CPEB3: variants seen among roughly 807,000 people sequenced by gnomAD.
The protein encoded by CPEB3 is cytoplasmic polyadenylation element-binding protein 3.
Under a neutral mutation model 67.2 loss-of-function variants are expected in CPEB3, and 20 were observed. The observed-to-expected ratio is 0.30, with a 90% CI of 0.21 to 0.43. The LOEUF (loss-of-function observed/expected upper bound fraction) is 0.43, where lower values mean the gene tolerates loss of function less well. Among genes scored for constraint, CPEB3 ranks in the 20% least tolerant of loss-of-function variants. The probability of loss-of-function intolerance (pLI) is 1.00; values close to 1 mark genes in which losing one functional copy is unlikely to be tolerated. For missense variants in CPEB3, 746 were observed against 968.6 expected (o/e 0.77, Z 3.05); for synonymous variants, 376 against 393.1 (o/e 0.96, Z 0.51).
At chr10:92,243,149 A>C (rs1214750304) in intron 1 of CPEB3, 1 of 152,246 alleles carries the variant, frequency 6.6e-6, no homozygotes, top group Non-Finnish European at 1.5e-5. Flanking sequence ...TTCAAGTAAC[A>C]AAATCTTAGT....
At chr10:92,187,463 G>T (rs1195832879) in intron 3 of CPEB3, among the ~76,000 whole-genome samples, 2 of 152,208 alleles carry the variant, frequency 1.3e-5, no homozygotes, top group Non-Finnish European at 2.9e-5. Flanking sequence ...GAGGGAAATT[G>T]CATGGGATGA....
At chr10:92,128,264 TGAA>T (rs1339722481) in intron 6 of CPEB3, among the ~76,000 whole-genome samples, 1 of 152,186 alleles carries the variant, frequency 6.6e-6, no homozygotes, top group Non-Finnish European at 1.5e-5. Context: ...GGGCCACACT[TGAA>T]GAAGAATTGT....
intron 2 of CPEB3, chr10:92,216,767 G>A (rs1590414679): frequency 6.2e-7 from 1 of 1,610,034 alleles, no homozygotes; most frequent in East Asian, 2.2e-5. Context: ...CCTGGAGGAG[G>A]TGCAGTCCCT....
chr10:92,244,594 C>T (rs546646277), intron 1 of CPEB3, among the ~76,000 whole-genome samples: 6 of 151,630 alleles, frequency 4.0e-5, no homozygotes, highest in African/African-American at 1.4e-4. Context: ...CATGCCACCA[C>T]GCCCGGCTCA....
intron 9 of CPEB3, among the ~76,000 whole-genome samples, chr10:92,061,263 ACAAAAATTAG>A (rs778636055): frequency 1.2e-4 from 19 of 152,124 alleles, no homozygotes; most frequent in Non-Finnish European, 2.8e-4. Flanking sequence ...TACTAAAAAT[ACAAAAATTAG>A]CTGGGTGTGG....
chr10:92,214,049 T>C (rs1309224541), intron 2 of CPEB3, among the ~76,000 whole-genome samples: 1 of 152,092 alleles, frequency 6.6e-6, no homozygotes, highest in Non-Finnish European at 1.5e-5. Flanking sequence ...CACACAACCA[T>C]TTTCATTTTC....
At chr10:92,079,967 G>A (rs1247083442) in intron 9 of CPEB3, among the ~76,000 whole-genome samples, 13 of 151,788 alleles carry the variant, frequency 8.6e-5, no homozygotes, top group African/African-American at 2.9e-4. Flanking sequence ...TTGGGAGGCC[G>A]AGGCAGGTGG....
intron 2 of CPEB3, among the ~76,000 whole-genome samples, chr10:92,225,507 G>GAAACA (rs1217008789): frequency 2.0e-5 from 3 of 151,428 alleles, no homozygotes; most frequent in Admixed American, 6.6e-5. Flanking sequence ...CATCTCAAAT[G>GAAACA]AAACAAAACA....
At chr10:92,135,631 T>TA (rs763018519) in intron 6 of CPEB3, among the ~76,000 whole-genome samples, 31 of 152,156 alleles carry the variant, frequency 2.0e-4, no homozygotes, top group Non-Finnish European at 4.3e-4. Context: ...GAACTAGAAA[T>TA]ACCATTTGAC....
intron 8 of CPEB3, among the ~76,000 whole-genome samples, chr10:92,085,008 A>C (rs1843315269): frequency 6.6e-6 from 1 of 152,204 alleles, no homozygotes; most frequent in African/African-American, 2.4e-5. Flanking sequence ...AGCATACTTT[A>C]TTAAGCATAC....
intron 2 of CPEB3, among the ~76,000 whole-genome samples, chr10:92,224,352 A>C (rs1397756714): frequency 1.3e-5 from 2 of 152,194 alleles, no homozygotes; most frequent in Admixed American, 1.3e-4. Context: ...AAAGCCTTAC[A>C]ATAGCTATGT....
intron 7 of CPEB3, among the ~76,000 whole-genome samples, chr10:92,108,019 G>T (rs1844555298): frequency 6.6e-6 from 1 of 152,170 alleles, no homozygotes; most frequent in African/African-American, 2.4e-5. Flanking sequence ...TCACTATCAG[G>T]TTCTGCATTA....
chr10:92,287,133 CT>C lies in CPEB3; in HGVS notation c.-12+3792del, dbSNP rs377070575. On this transcript the variant is annotated intron_variant, in intron 1 of 9. Transcript: ENST00000265997. ...TTGGCTGAATATCATTTATCATAGA[CT>C]TTTTTTTTTTTTTGAGACGGAGTCT... Among the ~76,000 whole-genome samples, 705 of 144,342 alleles carry C rather than the reference CT, an allele frequency of 4.9e-3. 1 individual carries two copies. The highest frequency in any genetic ancestry group is 0.012 in the African/African-American group (468 of 39,532). 94.7% of individuals were successfully genotyped at this position (144,342 alleles called of 152,430 possible).
intron 6 of CPEB3, among the ~76,000 whole-genome samples, chr10:92,114,420 G>A (rs557380065): frequency 3.3e-5 from 5 of 152,298 alleles, no homozygotes; most frequent in East Asian, 1.9e-4. Flanking sequence ...AATGTGAGGC[G>A]GAAATCCAAT....
intron 2 of CPEB3, among the ~76,000 whole-genome samples, chr10:92,205,009 T>G (rs553382473): frequency 1.3e-5 from 2 of 152,006 alleles, no homozygotes; most frequent in South Asian, 4.2e-4. Flanking sequence ...CCAGCGAATT[T>G]TTGTATTTTT....
intron 2 of CPEB3, among the ~76,000 whole-genome samples, chr10:92,215,843 G>A (rs1850351738): frequency 1.4e-5 from 2 of 147,008 alleles, no homozygotes; most frequent in South Asian, 4.4e-4. Context: ...CCACCTCCCA[G>A]GTTCAAGCGA....
chr10:92,069,641 A>G (rs1590069010), intron 9 of CPEB3, among the ~76,000 whole-genome samples: 1 of 152,110 alleles, frequency 6.6e-6, no homozygotes, highest in Non-Finnish European at 1.5e-5. Context: ...CTGACCTCAA[A>G]TGATCCACCC....
chr10:92,053,611 G>A (rs922746023), intron 9 of CPEB3, among the ~76,000 whole-genome samples: 5 of 148,856 alleles, frequency 3.4e-5, no homozygotes, highest in East Asian at 2.0e-4. Context: ...GCACGATCTC[G>A]GCTCACTGCA....
intron 3 of CPEB3, among the ~76,000 whole-genome samples, chr10:92,187,289 C>G (rs541002220): frequency 6.6e-6 from 1 of 152,162 alleles, no homozygotes; most frequent in African/African-American, 2.4e-5. Context: ...AGCATACTTT[C>G]GAAAAGCAAA....
Sources: allele counts gnomAD v4.1 joint callset (sites outside exome capture counted in the v4.1 genomes callset), GRCh38; gene constraint gnomAD v4.1.1; transcripts MANE v1.5; gene names NCBI Gene and HGNC (gene_info 2026-07-23, HGNC 2026-07-21).